PRKG1: variants seen among roughly 807,000 people sequenced by gnomAD.
The protein encoded by PRKG1 is protein kinase cGMP-dependent 1.
A neutral mutation model predicts 88.1 loss-of-function variants in PRKG1; 35 were observed. The observed-to-expected ratio is 0.40, with a 90% CI of 0.30 to 0.53. The LOEUF (loss-of-function observed/expected upper bound fraction) is 0.53, where lower values mean the gene tolerates loss of function less well. PRKG1 is among the 20% of genes least tolerant of loss of function. PRKG1 has a pLI of 0.59. For synonymous variants in PRKG1, 303 were observed against 292.5 expected (o/e 1.04, Z -0.37); for missense variants, 540 against 839.8 (o/e 0.64, Z 4.41).
At chr10:51,565,525 G>A (rs1402923973) in intron 3 of PRKG1, among the ~76,000 whole-genome samples, 2 of 152,084 alleles carry the variant, frequency 1.3e-5, no homozygotes, top group Non-Finnish European at 2.9e-5. Context: ...CTATATGATT[G>A]GCCTGGGTGT....
At chr10:51,295,288 T>C (rs1055853418) in intron 2 of PRKG1, among the ~76,000 whole-genome samples, 5 of 152,190 alleles carry the variant, frequency 3.3e-5, no homozygotes, top group Non-Finnish European at 5.9e-5. Flanking sequence ...TTTCCATTTG[T>C]CTGTGTCTTT....
chr10:51,211,377 C>T (rs1023767034), intron 2 of PRKG1, among the ~76,000 whole-genome samples: 11 of 152,140 alleles, frequency 7.2e-5, no homozygotes, highest in Non-Finnish European at 1.6e-4. Context: ...TGGACAAAAA[C>T]TGGAAGCATT....
chr10:51,614,227 T>C lies in PRKG1; in HGVS notation c.592+146391T>C, dbSNP rs1394207971. Among the ~76,000 whole-genome samples the C allele has an allele frequency of 2.0e-5, 3 of 152,128 alleles. No individual in the cohort carries two copies. In the South Asian group the frequency reaches 6.2e-4, roughly 32 times the overall value. On this transcript the variant is annotated intron_variant, in intron 3 of 17. Coordinates refer to ENST00000373980, the MANE Select transcript of PRKG1 (RefSeq NM_006258.4). ...TATCCTCTTGGAAGACTGATCTCTT[T>C]ATCATTATAAAATGACAATCTTCAT...
chr10:51,875,823 G>C (rs1841284180), intron 4 of PRKG1, among the ~76,000 whole-genome samples: 1 of 152,096 alleles, frequency 6.6e-6, no homozygotes, highest in South Asian at 2.1e-4. Context: ...GTGCCACCTG[G>C]AGTTCTTCAA....
intron 3 of PRKG1, among the ~76,000 whole-genome samples, chr10:51,494,492 G>A (rs1039886489): frequency 2.6e-5 from 4 of 152,220 alleles, no homozygotes; most frequent in Non-Finnish European, 5.9e-5. Flanking sequence ...TAATGTAGAT[G>A]TGAAATGTGT....
chr10:51,313,739 A>G (rs1453150518), intron 2 of PRKG1, among the ~76,000 whole-genome samples: 1 of 152,156 alleles, frequency 6.6e-6, no homozygotes, highest in Non-Finnish European at 1.5e-5. Context: ...TAAATAAAAT[A>G]GCATAATATT....
At chr10:51,839,435 G>T (rs982411002) in intron 4 of PRKG1, among the ~76,000 whole-genome samples, 4 of 152,252 alleles carry the variant, frequency 2.6e-5, no homozygotes, top group Admixed American at 2.6e-4. Context: ...ATTTGCACAG[G>T]GGACAATTTC....
At position 52,251,627 on chromosome 10, in the gene PRKG1, T is replaced by C; in HGVS notation, c.1134T>C (p.Ile378=). 6.2e-7 allele frequency: 1 copy of C among 1,613,632 alleles called. No homozygotes were observed. The highest frequency in any genetic ancestry group is 8.5e-7 in the Non-Finnish European group (1 of 1,179,650). ...TGAAGCTGTCTGATTTCAACATCAT[T>C]GATACCCTTGGAGTTGGAGGTTTCG... is the stretch of plus-strand genomic sequence containing the variant. The part of the protein sequence containing the change: ...ANLKLSDFNI[I]DTLGVGGFGR... Residue 378 remains isoleucine, a synonymous_variant, in exon 10 of 18, where the codon ATT becomes ATC. Coordinates refer to ENST00000373980, the MANE Select transcript of PRKG1 (RefSeq NM_006258.4).
intron 2 of PRKG1, among the ~76,000 whole-genome samples, chr10:51,200,864 C>T (rs867599588): frequency 4.6e-5 from 7 of 152,064 alleles, no homozygotes; most frequent in African/African-American, 9.7e-5. Context: ...TATTAATCAT[C>T]GATCCACAGA....
chr10:52,154,028 A>G (rs1411660316), intron 8 of PRKG1, among the ~76,000 whole-genome samples: 1 of 152,102 alleles, frequency 6.6e-6, no homozygotes, highest in Non-Finnish European at 1.5e-5. Flanking sequence ...TGCAGGCGTG[A>G]GCCACTGTGC....
intron 10 of PRKG1, among the ~76,000 whole-genome samples, chr10:52,269,509 C>T (rs1446245999): frequency 6.6e-6 from 1 of 152,050 alleles, no homozygotes; most frequent in Non-Finnish European, 1.5e-5. Context: ...AGGAACTTGC[C>T]ACATGAATAT....
intron 1 of PRKG1, among the ~76,000 whole-genome samples, chr10:51,135,782 A>G (rs1845670788): frequency 1.3e-5 from 2 of 152,138 alleles, no homozygotes; most frequent in African/African-American, 4.8e-5. Flanking sequence ...AAAGTTCGCT[A>G]GAATGTTTTT....
intron 3 of PRKG1, among the ~76,000 whole-genome samples, chr10:51,549,059 C>T (rs565053436): frequency 3.5e-4 from 53 of 151,030 alleles, no homozygotes; most frequent in Non-Finnish European, 6.5e-4. Flanking sequence ...TTCTTTTTGT[C>T]CTTCAGACCT....
At chr10:51,848,061 C>T (rs1488919871) in intron 4 of PRKG1, among the ~76,000 whole-genome samples, 2 of 428 alleles carry the variant, frequency 4.7e-3, no homozygotes, top group Admixed American at 0.067. Context: ...AAGTGATAAC[C>T]GGGGACCAAA....
intron 12 of PRKG1, among the ~76,000 whole-genome samples, chr10:52,274,544 C>T (rs995997493): frequency 6.6e-6 from 1 of 151,316 alleles, no homozygotes; most frequent in African/African-American, 2.4e-5. Context: ...TACACACACA[C>T]ACATGCCATC....
chr10:51,156,011 T>C (rs979491245), intron 2 of PRKG1, among the ~76,000 whole-genome samples: 6 of 151,884 alleles, frequency 4.0e-5, no homozygotes, highest in Non-Finnish European at 7.4e-5. Flanking sequence ...CACCCATACA[T>C]ATCTTCTTAA....
At chr10:51,227,671 T>C (rs1838729327) in intron 2 of PRKG1, among the ~76,000 whole-genome samples, 1 of 152,170 alleles carries the variant, frequency 6.6e-6, no homozygotes. Flanking sequence ...CTTTAGAGTT[T>C]GGTTTTAAAA....
chr10:51,900,889 T>C (rs1438372312), intron 4 of PRKG1, among the ~76,000 whole-genome samples: 1 of 152,184 alleles, frequency 6.6e-6, no homozygotes, highest in Non-Finnish European at 1.5e-5. Context: ...TTCAATATTT[T>C]GTCACACACA....
chr10:51,517,038 T>A (rs1000214903), intron 3 of PRKG1, among the ~76,000 whole-genome samples: 2 of 152,210 alleles, frequency 1.3e-5, no homozygotes, highest in Admixed American at 1.3e-4. Flanking sequence ...ATACTGTTTT[T>A]TTCTACCCTC....
Sources: allele counts gnomAD v4.1 joint callset (sites outside exome capture counted in the v4.1 genomes callset), GRCh38; gene constraint gnomAD v4.1.1; transcripts MANE v1.5; gene names NCBI Gene and HGNC (gene_info 2026-07-23, HGNC 2026-07-21).